The following TMEM156 variants were observed in gnomAD, a reference collection of about 807,000 sequenced individuals.
The protein encoded by TMEM156 is transmembrane protein 156.
In TMEM156, 28 loss-of-function variants were observed where a neutral mutation model predicts 30.5. That is an observed-to-expected ratio of 0.92 (90% CI 0.68 to 1.26). The LOEUF (loss-of-function observed/expected upper bound fraction) is 1.26, where lower values mean the gene tolerates loss of function less well. Among genes scored for constraint, TMEM156 ranks in the 50% most tolerant of loss-of-function variants. The probability of loss-of-function intolerance (pLI) is 0.00; values close to 1 mark genes in which losing one functional copy is unlikely to be tolerated. For synonymous variants in TMEM156, 137 were observed against 119.9 expected (o/e 1.14, Z -0.93); for missense variants, 351 against 340.6 (o/e 1.03, Z -0.24).
chr4:38,976,788 A>G (rs1355618994), intron 5 of TMEM156, among the ~76,000 whole-genome samples: 2 of 152,268 alleles, frequency 1.3e-5, no homozygotes, highest in African/African-American at 4.8e-5. Flanking sequence ...ATTTTTATAG[A>G]CATCCAAGTT....
chr4:38,981,665 C>T (rs1443647891), intron 5 of TMEM156, among the ~76,000 whole-genome samples: 3 of 152,292 alleles, frequency 2.0e-5, no homozygotes, highest in Non-Finnish European at 4.4e-5. Flanking sequence ...GTTACTTAAA[C>T]TCCCTTATCT....
At chr4:38,973,483 G>A (rs543865130) in intron 5 of TMEM156, among the ~76,000 whole-genome samples, 5 of 152,092 alleles carry the variant, frequency 3.3e-5, no homozygotes, top group African/African-American at 9.6e-5. Flanking sequence ...TAAATACAGT[G>A]TATCCTCTAA....
Position 39,032,335 on chromosome 4 carries a change from G to C in TMEM156, c.-22C>G. The C allele has an allele frequency of 3.4e-6, 5 of 1,481,928 alleles. No individual in the cohort carries two copies. Among genetic ancestry groups the C allele is most frequent in the Non-Finnish European group, 4.7e-6 (5 of 1,066,140 alleles). 91.8% of individuals were successfully genotyped at this position (1,481,928 alleles called of 1,614,324 possible). A position where few individuals can be genotyped will look rare whatever the true frequency, so the allele number is the denominator to read the frequency against. On this transcript the variant is annotated 5_prime_UTR_variant, in exon 1 of 7. Coordinates refer to ENST00000381938, the MANE Select transcript of TMEM156 (RefSeq NM_024943.3). ...TCATGTCTCTTCACATGACACAAAT[G>C]TGTTCCCTTGCAGTACATTCATGGT...
chr4:38,986,798 A>AC lies in TMEM156; in HGVS notation c.740-380dup, dbSNP rs377344154. ...ACTCCAGCCTGGACGAAAGAGTGAG[A>AC]CTCCATCTCAAAAAAAAAAAAAAAA... On this transcript the variant is annotated intron_variant, in intron 4 of 6. Transcript: ENST00000381938. Among the ~76,000 whole-genome samples the AC allele has an allele frequency of 4.7e-3, 553 of 118,308 alleles. 10 individuals are homozygous for AC. The highest frequency in any genetic ancestry group is 0.017 in the African/African-American group (520 of 30,396). The allele number at this position is 118,308 out of a possible 152,430, so 77.6% of individuals were successfully genotyped here.
At position 38,993,774 on chromosome 4, in the gene TMEM156, T is replaced by C. The variant is rs1255631969; in HGVS notation, c.583A>G (p.Ile195Val). The change falls in exon 3 of 7, where the codon ATA becomes GTA. Residue 195 changes from isoleucine to valine, a missense_variant. Physicochemically the swap from Ile to Val is conservative, Grantham distance 29 (BLOSUM62 3). Transcript: ENST00000381938. ...CRIMEYPNDC[I>V]HISLHLEMDI... Reference sequence around the variant, plus strand: ...ATCTCTAGGTGCAAAGAAATGTGTATACAATCATTCGGGTATTCCATGATT... The same window carrying C: ...ATCTCTAGGTGCAAAGAAATGTGTACACAATCATTCGGGTATTCCATGATT... 3.7e-6 allele frequency: 6 copies of C among 1,613,690 alleles called. No homozygotes were observed. In the Admixed American group the frequency reaches 5.0e-5, roughly 13 times the overall value.
chr4:39,013,646 C>T (rs1335704280), intron 1 of TMEM156, among the ~76,000 whole-genome samples: 2 of 151,958 alleles, frequency 1.3e-5, no homozygotes, highest in Admixed American at 6.6e-5. Flanking sequence ...ATGATCCACC[C>T]GCCTCGGCCT....
chr4:38,975,250 GC>G (rs1722791893), intron 5 of TMEM156, among the ~76,000 whole-genome samples: 1 of 151,990 alleles, frequency 6.6e-6, no homozygotes, highest in African/African-American at 2.4e-5. Context: ...TTGCATTTGA[GC>G]CCCTTGGCAT....
At chr4:39,022,137 A>C (rs1176326398) in intron 1 of TMEM156, among the ~76,000 whole-genome samples, 1 of 152,198 alleles carries the variant, frequency 6.6e-6, no homozygotes, top group East Asian at 1.9e-4. Context: ...CATTAACCCA[A>C]AGTGACTTTA....
intron 1 of TMEM156, among the ~76,000 whole-genome samples, chr4:39,013,426 G>A (rs1714264624): frequency 6.6e-6 from 1 of 150,734 alleles, no homozygotes; most frequent in African/African-American, 2.4e-5. Flanking sequence ...TATTAAGACG[G>A]AGTCTTGCTC....
intron 3 of TMEM156, among the ~76,000 whole-genome samples, chr4:38,992,666 ATATATATATAATATATTATATAATATAT>A (rs1484515837): frequency 7.5e-5 from 5 of 66,550 alleles, no homozygotes; most frequent in African/African-American, 2.7e-4. Context: ...AATGTGCTAC[ATATATATATAATATATTATATAATATAT>A]TATATAATAT....
chr4:38,971,207 G>A (rs1291325353), intron 5 of TMEM156, 70 bp from the exon 6 acceptor site: 11 of 1,403,324 alleles, frequency 7.8e-6, no homozygotes, highest in Non-Finnish European at 1.1e-5. Flanking sequence ...TTATTCTAAT[G>A]TAGTAAGAGT....
intron 1 of TMEM156, among the ~76,000 whole-genome samples, chr4:39,013,554 C>T (rs1714273726): frequency 6.6e-6 from 1 of 151,910 alleles, no homozygotes; most frequent in African/African-American, 2.4e-5. Context: ...GCACACCTCA[C>T]CACGCCCAGC....
chr4:38,983,477 C>A (rs982483975), intron 5 of TMEM156, among the ~76,000 whole-genome samples: 3 of 152,190 alleles, frequency 2.0e-5, no homozygotes, highest in Admixed American at 2.0e-4. Flanking sequence ...CGGCTCACTG[C>A]AGCCTCGACT....
At chr4:38,988,346 C>A (rs1056373259) in intron 4 of TMEM156, among the ~76,000 whole-genome samples, 1 of 152,220 alleles carries the variant, frequency 6.6e-6, no homozygotes, top group Admixed American at 6.5e-5. Context: ...GCCTCAGCCT[C>A]CCAAGTAGCT....
At chr4:39,011,449 T>TA (rs146146882) in intron 1 of TMEM156, among the ~76,000 whole-genome samples, 14,104 of 152,216 alleles carry the variant, frequency 0.093, 759 homozygotes, top group Admixed American at 0.16. Context: ...CCTGCACTCA[T>TA]ACGTTTATCA....
chr4:38,990,074 C>A (rs1016578306), intron 3 of TMEM156, among the ~76,000 whole-genome samples: 12 of 152,230 alleles, frequency 7.9e-5, no homozygotes, highest in African/African-American at 2.9e-4. Context: ...GGATTACAGG[C>A]GTGAGCCACT....
chr4:39,031,539 C>A (rs1715501733), intron 1 of TMEM156, among the ~76,000 whole-genome samples: 1 of 152,098 alleles, frequency 6.6e-6, no homozygotes, highest in South Asian at 2.1e-4. Context: ...ATTTTTAACA[C>A]AATAAATATC....
chr4:39,011,542 A>C (rs1395097714), intron 1 of TMEM156, among the ~76,000 whole-genome samples: 8 of 152,116 alleles, frequency 5.3e-5, no homozygotes, highest in Non-Finnish European at 1.2e-4. Flanking sequence ...TTGGGAAGCC[A>C]AGGCAGGTGA....
chr4:38,969,850 C>G (rs912447800), intron 6 of TMEM156, among the ~76,000 whole-genome samples: 77 of 152,200 alleles, frequency 5.1e-4, no homozygotes, highest in African/African-American at 1.8e-3. Flanking sequence ...ACCTCAGCCT[C>G]CCAAAGTGCT....
Sources: allele counts gnomAD v4.1 joint callset (sites outside exome capture counted in the v4.1 genomes callset), GRCh38; gene constraint gnomAD v4.1.1; transcripts MANE v1.5; gene names NCBI Gene and HGNC (gene_info 2026-07-23, HGNC 2026-07-21).